Variants in DGKB observed in about 807,000 individuals in gnomAD.
DGKB encodes the protein 90 kDa diacylglycerol kinase.
In DGKB, 67 loss-of-function variants were observed where a neutral mutation model predicts 114.3. That is an observed-to-expected ratio of 0.59 (90% CI 0.48 to 0.72). The LOEUF is 0.72. Ranked by LOEUF, DGKB falls within the 30% of genes least tolerant of loss-of-function variation. DGKB has a pLI of 0.00. For missense variants in DGKB, 907 were observed against 975.2 expected, an observed-to-expected ratio of 0.93 and a Z score of 0.93; for synonymous variants, 398 against 323.1, an observed-to-expected ratio of 1.23 and a Z score of -2.49.
intron 2 of DGKB, among the ~76,000 whole-genome samples, chr7:14,759,200 C>T (rs1835341408): frequency 6.6e-6 from 1 of 152,186 alleles, no homozygotes; most frequent in Non-Finnish European, 1.5e-5. Context: ...ACTGGGATTA[C>T]AGGCATGAGC....
chr7:14,631,544 A>G (rs1434595680), intron 13 of DGKB, among the ~76,000 whole-genome samples: 4 of 152,036 alleles, frequency 2.6e-5, no homozygotes, highest in African/African-American at 9.7e-5. Flanking sequence ...GCTCTGGCCA[A>G]CTATCCATTC....
chr7:14,732,671 T>A (rs977033861), intron 5 of DGKB, among the ~76,000 whole-genome samples: 1 of 152,180 alleles, frequency 6.6e-6, no homozygotes, highest in Non-Finnish European at 1.5e-5. Context: ...CATTGCTGCA[T>A]GAGGACTACA....
chr7:14,211,270 T>C (rs1787743784), intron 23 of DGKB, among the ~76,000 whole-genome samples: 1 of 131,600 alleles, frequency 7.6e-6, no homozygotes, highest in Admixed American at 7.5e-5. Context: ...TCATGAAGTC[T>C]CTTTCCTTAG....
chr7:14,517,908 T>G (rs1386092652), intron 20 of DGKB, among the ~76,000 whole-genome samples: 1 of 152,064 alleles, frequency 6.6e-6, no homozygotes, highest in Non-Finnish European at 1.5e-5. Context: ...TTTGGCAATT[T>G]CTAAAAGAAC....
At chr7:14,450,587 A>T (rs1831344353) in intron 21 of DGKB, among the ~76,000 whole-genome samples, 1 of 152,066 alleles carries the variant, frequency 6.6e-6, no homozygotes, top group Non-Finnish European at 1.5e-5. Context: ...CTTCAGGTCA[A>T]CACCTAAGAG....
chr7:14,828,450 A>G (rs1845984771), intron 2 of DGKB, among the ~76,000 whole-genome samples: 1 of 152,094 alleles, frequency 6.6e-6, no homozygotes, highest in Admixed American at 6.6e-5. Context: ...GATGCCTTAG[A>G]CAGTTGGAAT....
In DGKB at chr7:14,607,503, T is replaced by C. The variant is rs570469077; in HGVS notation, c.1364A>G (p.Tyr455Cys). The change falls in exon 17 of 26, where the codon TAC becomes TGC. Residue 455 changes from tyrosine (Y) to cysteine (C), a missense_variant. Coordinates refer to ENST00000402815, the MANE Select transcript of DGKB (RefSeq NM_001350709.2). ...ATTTAATAGATACTGGAATTTTCTG[T>C]AAATTCTATAAAGGTGAAAATGTGG... ...KSGGKQGERI[Y>C]RKFQYLLNPR... The C allele has an allele frequency of 6.5e-7, 1 of 1,532,220 alleles. No homozygotes were observed. The highest frequency in any genetic ancestry group is 1.1e-5 in the South Asian group (1 of 87,658). The allele number at this position is 1,532,220 out of a possible 1,614,324, so 94.9% of individuals were successfully genotyped here. A position where few individuals can be genotyped will look rare whatever the true frequency, so the allele number is the denominator to read the frequency against.
chr7:14,917,171 T>C (rs1340785150), intron 1 of DGKB, among the ~76,000 whole-genome samples: 2 of 151,882 alleles, frequency 1.3e-5, no homozygotes, highest in Non-Finnish European at 2.9e-5. Flanking sequence ...GATTGATATA[T>C]TATAAAAGAA....
chr7:14,332,094 G>C (rs1483823915), intron 23 of DGKB, among the ~76,000 whole-genome samples: 1 of 151,502 alleles, frequency 6.6e-6, no homozygotes, highest in Non-Finnish European at 1.5e-5. Context: ...GAGTTTGTTT[G>C]TTTGTTTTTT....
intron 20 of DGKB, among the ~76,000 whole-genome samples, chr7:14,486,900 A>G (rs1246098883): frequency 3.3e-5 from 5 of 152,206 alleles, no homozygotes; most frequent in Non-Finnish European, 1.5e-5. Context: ...TATGCATTAA[A>G]CATTTACATT....
chr7:14,588,977 G>T (rs1801230460), intron 17 of DGKB, among the ~76,000 whole-genome samples: 1 of 151,726 alleles, frequency 6.6e-6, no homozygotes, highest in South Asian at 2.1e-4. Context: ...TATTAATTTT[G>T]GGAGAAATAA....
At chr7:14,520,767 C>T (rs1789638451) in intron 20 of DGKB, among the ~76,000 whole-genome samples, 3 of 151,964 alleles carry the variant, frequency 2.0e-5, no homozygotes, top group South Asian at 4.1e-4. Flanking sequence ...AAATGTTCCA[C>T]AAGTGCTTGA....
At chr7:14,182,530 CTA>C (rs1374997341) in intron 23 of DGKB, among the ~76,000 whole-genome samples, 2 of 152,018 alleles carry the variant, frequency 1.3e-5, no homozygotes, top group African/African-American at 4.8e-5. Context: ...GGCAAAAAGA[CTA>C]TAGCACAAAA....
chr7:14,156,643 A>G (rs1470120018), intron 25 of DGKB, among the ~76,000 whole-genome samples: 2 of 152,172 alleles, frequency 1.3e-5, no homozygotes, highest in African/African-American at 4.8e-5. Flanking sequence ...CTCACAGGCC[A>G]TAATTTGCTG....
intron 1 of DGKB, among the ~76,000 whole-genome samples, chr7:14,908,790 A>C (rs1221469816): frequency 6.6e-6 from 1 of 152,190 alleles, no homozygotes; most frequent in Non-Finnish European, 1.5e-5. Context: ...AGCCTCATGC[A>C]GTATGCATCA....
At chr7:14,648,280 G>C (rs1813573610) in intron 13 of DGKB, among the ~76,000 whole-genome samples, 2 of 152,128 alleles carry the variant, frequency 1.3e-5, no homozygotes, top group African/African-American at 4.8e-5. Context: ...AGTTCTCCCA[G>C]CATGCAGCTG....
chr7:14,746,174 A>G (rs1833259011), intron 4 of DGKB, among the ~76,000 whole-genome samples: 2 of 152,142 alleles, frequency 1.3e-5, no homozygotes, highest in African/African-American at 2.4e-5. Flanking sequence ...CCCCGTCTCT[A>G]CTAAAAATAA....
chr7:14,902,390 G>T (rs1447969726), intron 1 of DGKB, among the ~76,000 whole-genome samples: 2 of 152,128 alleles, frequency 1.3e-5, no homozygotes, highest in Admixed American at 6.5e-5. Flanking sequence ...ATACACAAGC[G>T]GCATCCGCCT....
At chr7:14,177,554 C>CAAAAAAAAAAAAAAAAAAA (rs56019837) in intron 24 of DGKB, among the ~76,000 whole-genome samples, 9 of 69,028 alleles carry the variant, frequency 1.3e-4, no homozygotes, top group East Asian at 4.5e-4. Flanking sequence ...AACTCCGTCT[C>CAAAAAAAAAAAAAAAAAAA]AAAAAAAAAA....
Sources: allele counts gnomAD v4.1 joint callset (sites outside exome capture counted in the v4.1 genomes callset), GRCh38; gene constraint gnomAD v4.1.1; transcripts MANE v1.5; gene names NCBI Gene and HGNC (gene_info 2026-07-23, HGNC 2026-07-21).